CCSER1: variants seen among roughly 807,000 people sequenced by gnomAD.
CCSER1 encodes the protein serine-rich coiled-coil domain-containing protein 1.
A neutral mutation model predicts 82.0 loss-of-function variants in CCSER1; 41 were observed. That is an observed-to-expected ratio of 0.50 (90% CI 0.39 to 0.65). The LOEUF (loss-of-function observed/expected upper bound fraction) is 0.65. Among genes scored for constraint, CCSER1 ranks in the 30% least tolerant of loss-of-function variants. CCSER1 has a pLI of 0.00. For synonymous variants in CCSER1, 414 were observed against 383.9 expected (o/e 1.08, Z -0.92); for missense variants, 1,119 against 1,064.2 (o/e 1.05, Z -0.72).
At chr4:90,879,444 C>T (rs1720860938) in intron 8 of CCSER1, among the ~76,000 whole-genome samples, 2 of 150,778 alleles carry the variant, frequency 1.3e-5, no homozygotes, top group South Asian at 4.2e-4. Context: ...TTAAGTTGTG[C>T]ACATATACCC....
chr4:90,341,730 A>G (rs1741413976), intron 3 of CCSER1, among the ~76,000 whole-genome samples: 1 of 152,088 alleles, frequency 6.6e-6, no homozygotes, highest in Admixed American at 6.5e-5. Flanking sequence ...TCTAGGCTGA[A>G]TCTGATTTAT....
intron 9 of CCSER1, among the ~76,000 whole-genome samples, chr4:91,081,633 G>A (rs1025487941): frequency 1.5e-4 from 23 of 152,182 alleles, no homozygotes; most frequent in Non-Finnish European, 2.5e-4. Context: ...GTCCCTGTTT[G>A]CAGATGACAT....
chr4:90,547,843 G>A (rs558860961), intron 5 of CCSER1, among the ~76,000 whole-genome samples: 12 of 152,206 alleles, frequency 7.9e-5, no homozygotes, highest in South Asian at 2.1e-4. Context: ...AAAATGATTT[G>A]TGAAAAGTCT....
chr4:91,029,545 C>T (rs1043741622), intron 9 of CCSER1, among the ~76,000 whole-genome samples: 6 of 151,922 alleles, frequency 3.9e-5, no homozygotes, highest in Non-Finnish European at 7.4e-5. Flanking sequence ...ATTTTAAAAA[C>T]GGGTGTGTCC....
rs7667419 is a variant in CCSER1, at chr4:90,299,909, A to G, written c.-41-8335A>G. ...GATCAATGTCCTTTGATATGTTTACATATTATTAATTTTCTGCCATCATTT... is the reference window on the plus strand; with the variant it reads ...GATCAATGTCCTTTGATATGTTTACGTATTATTAATTTTCTGCCATCATTT... On this transcript the variant is annotated intron_variant, in intron 1 of 10. Coordinates refer to ENST00000509176, the MANE Select transcript of CCSER1 (RefSeq NM_001145065.2). 9.9e-5 allele frequency among the ~76,000 whole-genome samples: 15 copies of G among 152,262 alleles called. No individual in the cohort carries two copies. The South Asian group carries it at 2.5e-3, about 25-fold the overall frequency.
At position 90,579,037 on chromosome 4, in the gene CCSER1, TA is replaced by T. The variant is rs1308706566; in HGVS notation, c.1725-48986del. Reference sequence around the variant, plus strand: ...CTATTAAAAAAAGCTTGACTTTTTTTAATCAATAAAATAAATAATATCCTAG... The same window carrying T: ...CTATTAAAAAAAGCTTGACTTTTTTTATCAATAAAATAAATAATATCCTAG... On this transcript the variant is annotated intron_variant, in intron 5 of 10. Transcript: ENST00000509176. Among the ~76,000 whole-genome samples the T allele has an allele frequency of 5.2e-5, 3 of 57,232 alleles. No homozygotes were observed. In the East Asian group the frequency reaches 2.1e-3, roughly 40 times the overall value. The allele number at this position is 57,232 out of a possible 152,430, so 37.5% of individuals were successfully genotyped here.
intron 10 of CCSER1, among the ~76,000 whole-genome samples, chr4:91,127,441 T>G (rs1727616174): frequency 6.6e-6 from 1 of 152,080 alleles, no homozygotes; most frequent in African/African-American, 2.4e-5. Context: ...GGCCACAAGC[T>G]TAAGTATTAT....
At chr4:91,369,783 C>G (rs1186072404) in intron 10 of CCSER1, among the ~76,000 whole-genome samples, 1 of 149,490 alleles carries the variant, frequency 6.7e-6, no homozygotes, top group Non-Finnish European at 1.5e-5. Flanking sequence ...ATTCTCCTGC[C>G]TCAGCCTCCC....
chr4:90,615,951 A>G (rs1721110332), intron 5 of CCSER1, among the ~76,000 whole-genome samples: 1 of 151,966 alleles, frequency 6.6e-6, no homozygotes, highest in African/African-American at 2.4e-5. Context: ...TGCCACAGCC[A>G]CTCCACCCTT....
rs1249515657 is a variant in CCSER1, at chr4:90,933,008, GAAAGAAAGAA to G, written c.2172+9563_2172+9572del. Among the ~76,000 whole-genome samples, 612 of 73,414 alleles carry G rather than the reference GAAAGAAAGAA, an allele frequency of 8.3e-3. 239 individuals are homozygous for G. The highest frequency in any genetic ancestry group is 0.061 in the African/African-American group (584 of 9,606). 48.2% of individuals were successfully genotyped at this position (73,414 alleles called of 152,430 possible). A position where few individuals can be genotyped will look rare whatever the true frequency, so the allele number is the denominator to read the frequency against. On this transcript the variant is annotated intron_variant, in intron 9 of 10. Transcript: ENST00000509176. ...AGAAAGAAAGAAAGAAAGAAAGAAA[GAAAGAAAGAA>G]AGAAAGAAAGAAAGAAAGAAAGAAA...
intron 3 of CCSER1, among the ~76,000 whole-genome samples, chr4:90,363,590 G>A (rs1745765637): frequency 7.1e-6 from 1 of 140,080 alleles, no homozygotes; most frequent in South Asian, 2.5e-4. Context: ...GGCAAATAAA[G>A]ACTTTCAAGG....
intron 1 of CCSER1, among the ~76,000 whole-genome samples, chr4:90,294,186 G>T (rs1208212249): frequency 6.6e-6 from 1 of 151,942 alleles, no homozygotes; most frequent in East Asian, 1.9e-4. Flanking sequence ...TCTATATAAA[G>T]TATAAATTTT....
At chr4:91,337,255 A>G (rs745957571) in intron 10 of CCSER1, among the ~76,000 whole-genome samples, 1 of 152,140 alleles carries the variant, frequency 6.6e-6, no homozygotes, top group African/African-American at 2.4e-5. Flanking sequence ...GATAATGCTT[A>G]CTTATAACGC....
At chr4:91,027,106 A>G (rs946057451) in intron 9 of CCSER1, among the ~76,000 whole-genome samples, 2 of 152,058 alleles carry the variant, frequency 1.3e-5, no homozygotes, top group Non-Finnish European at 2.9e-5. Flanking sequence ...GAACTGGGCA[A>G]GATCAAAGAG....
chr4:90,844,758 G>T (rs1343309926), intron 8 of CCSER1, among the ~76,000 whole-genome samples: 1 of 151,836 alleles, frequency 6.6e-6, no homozygotes, highest in Non-Finnish European at 1.5e-5. Flanking sequence ...TATGCCTATG[G>T]TTAATATCTG....
chr4:90,850,250 G>T (rs1763717610), intron 8 of CCSER1, among the ~76,000 whole-genome samples: 1 of 152,178 alleles, frequency 6.6e-6, no homozygotes, highest in Non-Finnish European at 1.5e-5. Context: ...CTGCTTCAGG[G>T]GTGGAGCCCT....
intron 3 of CCSER1, among the ~76,000 whole-genome samples, chr4:90,341,445 A>G (rs1037800548): frequency 6.6e-6 from 1 of 152,108 alleles, no homozygotes; most frequent in Non-Finnish European, 1.5e-5. Context: ...TAAATCCACA[A>G]GGAGCATTTT....
chr4:90,179,084 C>T (rs1733233596), intron 1 of CCSER1, among the ~76,000 whole-genome samples: 1 of 152,036 alleles, frequency 6.6e-6, no homozygotes, highest in Non-Finnish European at 1.5e-5. Flanking sequence ...GGAAGTGATT[C>T]TAGTTAGTTT....
At position 91,604,445 on chromosome 4, in the gene CCSER1, T is replaced by C. The variant is rs777365264; in HGVS notation, c.*5388T>C. On this transcript the variant is annotated 3_prime_UTR_variant, in exon 11 of 11. Coordinates refer to ENST00000509176, the MANE Select transcript of CCSER1 (RefSeq NM_001145065.2). ...AATTTTCAGAGGGCATCTCTTCTAT[T>C]TCAAGGTTACCTCCCAGAAAAACTG... The C allele has an allele frequency of 6.6e-6, 1 of 152,098 alleles. No individual in the cohort carries two copies. The allele number at this position is 152,098 out of a possible 1,614,324, so 9.4% of individuals were successfully genotyped here. A position where few individuals can be genotyped will look rare whatever the true frequency, so the allele number is the denominator to read the frequency against.
Sources: allele counts gnomAD v4.1 joint callset (sites outside exome capture counted in the v4.1 genomes callset), GRCh38; gene constraint gnomAD v4.1.1; transcripts MANE v1.5; gene names NCBI Gene and HGNC (gene_info 2026-07-23, HGNC 2026-07-21).